The following FOXP2 variants were observed in gnomAD, a reference collection of about 807,000 sequenced individuals.
The protein encoded by FOXP2 is forkhead box protein P2.
A neutral mutation model predicts 115.8 loss-of-function variants in FOXP2; 12 were observed. The ratio of observed to expected loss-of-function variants is 0.10; its 90% confidence interval spans 0.07 to 0.17. The LOEUF is 0.17. Ranked by LOEUF, FOXP2 falls within the 10% of genes least tolerant of loss-of-function variation. The pLI is 1.00. For missense variants in FOXP2, 629 were observed against 843.5 expected, an observed-to-expected ratio of 0.75 and a Z score of 3.15; for synonymous variants, 328 against 297.7, an observed-to-expected ratio of 1.10 and a Z score of -1.05.
At chr7:114,683,508 T>C (rs1280684315) in intron 16 of FOXP2, among the ~76,000 whole-genome samples, 2 of 152,192 alleles carry the variant, frequency 1.3e-5, no homozygotes, top group Non-Finnish European at 2.9e-5. Flanking sequence ...TAACGTTACA[T>C]TAGACCCAGT....
intron 12 of FOXP2, 61 bp from the exon 13 acceptor site, chr7:114,659,511 G>C: frequency 6.4e-7 from 1 of 1,572,970 alleles, no homozygotes; most frequent in Non-Finnish European, 8.8e-7. Context: ...ATGAGAAAGT[G>C]TCATCTAGTC....
At chr7:114,372,035 C>T (rs1046132618) in intron 2 of FOXP2, among the ~76,000 whole-genome samples, 10 of 152,020 alleles carry the variant, frequency 6.6e-5, no homozygotes, top group African/African-American at 2.4e-4. Flanking sequence ...TATATTCTAC[C>T]GAGTGCTTTA....
intron 1 of FOXP2, among the ~76,000 whole-genome samples, chr7:114,420,467 A>C (rs999032074): frequency 6.6e-6 from 1 of 151,742 alleles, no homozygotes; most frequent in Non-Finnish European, 1.5e-5. Flanking sequence ...GGATTTGACA[A>C]TTTTTCTTCT....
intron 3 of FOXP2, among the ~76,000 whole-genome samples, chr7:114,577,608 A>C (rs1163269634): frequency 6.6e-6 from 1 of 151,904 alleles, no homozygotes; most frequent in Non-Finnish European, 1.5e-5. Flanking sequence ...CTTTCCATGA[A>C]GTCATGATTT....
intron 2 of FOXP2, among the ~76,000 whole-genome samples, chr7:114,475,661 A>G (rs992592529): frequency 6.6e-6 from 1 of 152,074 alleles, no homozygotes; most frequent in Non-Finnish European, 1.5e-5. Context: ...TTCAAAAGTC[A>G]TTTAGAGAAA....
chr7:114,510,240 T>C (rs1798006640), intron 2 of FOXP2, among the ~76,000 whole-genome samples: 1 of 152,178 alleles, frequency 6.6e-6, no homozygotes, highest in South Asian at 2.1e-4. Context: ...AATTGAGCTG[T>C]CCTGATTGCT....
intron 2 of FOXP2, among the ~76,000 whole-genome samples, chr7:114,364,279 C>G (rs1258306198): frequency 1.3e-5 from 2 of 152,036 alleles, no homozygotes; most frequent in Non-Finnish European, 2.9e-5. Flanking sequence ...AAGTGGAGGT[C>G]GTGGAGGTCA....
At chr7:114,211,263 T>C (rs1794340831) in intron 1 of FOXP2, among the ~76,000 whole-genome samples, 1 of 152,198 alleles carries the variant, frequency 6.6e-6, no homozygotes, top group Non-Finnish European at 1.5e-5. Context: ...GTAAAACTCC[T>C]GGGTCTCTGT....
At chr7:114,446,102 A>G (rs1794826873) in intron 2 of FOXP2, among the ~76,000 whole-genome samples, 1 of 152,062 alleles carries the variant, frequency 6.6e-6, no homozygotes, top group Non-Finnish European at 1.5e-5. Flanking sequence ...GAGCACTTTT[A>G]ACATCATTTT....
intron 2 of FOXP2, among the ~76,000 whole-genome samples, chr7:114,314,082 T>C (rs1797214423): frequency 6.6e-6 from 1 of 151,952 alleles, no homozygotes; most frequent in Non-Finnish European, 1.5e-5. Context: ...GGAAAATACA[T>C]GCTATTATGG....
chr7:114,132,582 T>TGTGTGTGAGAGAGA (rs1554419465), intron 1 of FOXP2, among the ~76,000 whole-genome samples: 5 of 55,996 alleles, frequency 8.9e-5, no homozygotes, highest in African/African-American at 3.9e-4. Context: ...TGTGTGTGTG[T>TGTGTGTGAGAGAGA]GAGAGAGAGA....
intron 1 of FOXP2, among the ~76,000 whole-genome samples, chr7:114,229,572 C>T (rs1794822985): frequency 6.6e-6 from 1 of 151,114 alleles, no homozygotes; most frequent in Admixed American, 6.6e-5. Context: ...CATTATGAAA[C>T]TAGAAATCAA....
rs150195783 is a variant in FOXP2, at chr7:114,348,497, T to C, written c.-11+60388T>C. ...CTCATCAAGAATGATGGTATTCTTA[T>C]GCATTTATATCTTCGTTTTTCCCAA... On this transcript the variant is annotated intron_variant, in intron 2 of 17. Transcript: ENST00000634411. 3.4e-3 allele frequency among the ~76,000 whole-genome samples: 513 copies of C among 152,192 alleles called. 1 individual carries two copies. The highest frequency in any genetic ancestry group is 0.011 in the African/African-American group (478 of 41,568).
chr7:114,119,850 T>C (rs1459024157), intron 1 of FOXP2, among the ~76,000 whole-genome samples: 3 of 152,158 alleles, frequency 2.0e-5, no homozygotes, highest in Non-Finnish European at 2.9e-5. Flanking sequence ...CCTGCAGAAC[T>C]TGTTACAAAC....
At chr7:114,687,655 A>G (rs958283015) in intron 16 of FOXP2, among the ~76,000 whole-genome samples, 1 of 152,092 alleles carries the variant, frequency 6.6e-6, no homozygotes, top group African/African-American at 2.4e-5. Context: ...GTCTAGACTC[A>G]TTTGTCTCTC....
At chr7:114,524,209 C>T (rs1182235003) in intron 2 of FOXP2, among the ~76,000 whole-genome samples, 1 of 151,802 alleles carries the variant, frequency 6.6e-6, no homozygotes, top group Non-Finnish European at 1.5e-5. Context: ...TAGTGAACAT[C>T]CTAAATCTAG....
At chr7:114,221,271 T>C (rs1278228716) in intron 1 of FOXP2, among the ~76,000 whole-genome samples, 1 of 152,154 alleles carries the variant, frequency 6.6e-6, no homozygotes, top group Non-Finnish European at 1.5e-5. Flanking sequence ...ACAGTTTACT[T>C]TGTGGTTTTT....
chr7:114,683,727 G>A (rs1808213673), intron 16 of FOXP2, among the ~76,000 whole-genome samples: 1 of 152,104 alleles, frequency 6.6e-6, no homozygotes, highest in African/African-American at 2.4e-5. Context: ...AGTTGAAAGG[G>A]GAAACACAGC....
chr7:114,579,178 G>C (rs1473759418), intron 3 of FOXP2, among the ~76,000 whole-genome samples: 1 of 152,096 alleles, frequency 6.6e-6, no homozygotes, highest in Non-Finnish European at 1.5e-5. Context: ...GATCTGTTGT[G>C]CCATCCTGAT....
Sources: gnomAD v4.1 joint callset for allele counts (sites outside exome capture counted in the v4.1 genomes callset) on GRCh38, gnomAD v4.1.1 for gene constraint, MANE v1.5 for transcripts, NCBI Gene and HGNC (gene_info 2026-07-23, HGNC 2026-07-21) for gene names.